SLC2A9: variants seen among roughly 807,000 people sequenced by gnomAD.
SLC2A9 encodes solute carrier family 2 member 9.
SLC2A9 carries 39 observed loss-of-function variants against 50.6 expected under a neutral mutation model. The ratio of observed to expected loss-of-function variants is 0.77; its 90% CI spans 0.60 to 1.01. The LOEUF is 1.01. Among genes scored for constraint, SLC2A9 ranks in the 50% least tolerant of loss-of-function variants. SLC2A9 has a pLI of 0.00. For missense variants in SLC2A9, 686 were observed against 677.6 expected, an observed-to-expected ratio of 1.01 and a Z score of -0.14; for synonymous variants, 324 against 276.9, an observed-to-expected ratio of 1.17 and a Z score of -1.69.
At chr4:9,981,535 A>C (rs2109103153) in intron 4 of SLC2A9, among the ~76,000 whole-genome samples, 1 of 152,352 alleles carries the variant, frequency 6.6e-6, no homozygotes, top group South Asian at 2.1e-4. Flanking sequence ...AGAAAAGTTG[A>C]GTAACTTGCC....
At position 9,847,451 on chromosome 4, in the gene SLC2A9, C is replaced by T. The variant is rs555427692; in HGVS notation, c.1292-12443G>A. The stretch of plus-strand genomic sequence containing the variant: ...TCCCTCCCCTGACACATGGGAATTA[C>T]AATTTGACATGAGATTTGGGTGGGC... On this transcript the variant is annotated intron_variant, in intron 10 of 11. Coordinates refer to ENST00000264784, the MANE Select transcript of SLC2A9 (RefSeq NM_020041.3). 5.9e-5 allele frequency among the ~76,000 whole-genome samples: 9 copies of T among 152,324 alleles called. No individual in the cohort carries two copies. In the East Asian group the frequency reaches 1.7e-3, roughly 29 times the overall value.
intron 2 of SLC2A9, among the ~76,000 whole-genome samples, chr4:10,008,992 G>C (rs542278981): frequency 1.7e-5 from 2 of 114,576 alleles, no homozygotes; most frequent in African/African-American, 5.3e-5. Flanking sequence ...TGAAAAGAGC[G>C]GGGGGTGAGG....
intron 11 of SLC2A9, among the ~76,000 whole-genome samples, chr4:9,833,735 G>A (rs1419056936): frequency 3.9e-5 from 6 of 152,214 alleles, no homozygotes; most frequent in Admixed American, 2.6e-4. Flanking sequence ...ACTTAGAACT[G>A]AGTGTCCAGA....
chr4:9,852,118 G>A (rs1370326619), intron 10 of SLC2A9, among the ~76,000 whole-genome samples: 3 of 151,994 alleles, frequency 2.0e-5, no homozygotes, highest in Non-Finnish European at 2.9e-5. Context: ...CAAAATGAAA[G>A]AAAAAATGTT....
downstream of SLC2A9, among the ~76,000 whole-genome samples, chr4:9,822,269 A>T (rs989861376): frequency 6.6e-6 from 1 of 151,834 alleles, no homozygotes; most frequent in African/African-American, 2.4e-5. Flanking sequence ...CCTGTTTTTG[A>T]TATATTTCCA....
chr4:9,974,345 C>G (rs926323208), intron 5 of SLC2A9, among the ~76,000 whole-genome samples: 10 of 152,108 alleles, frequency 6.6e-5, no homozygotes, highest in African/African-American at 2.4e-4. Flanking sequence ...CAAACTATCT[C>G]TCTTCACTGA....
At chr4:9,777,423 T>C (rs1219159391), downstream of SLC2A9, among the ~76,000 whole-genome samples, 1 of 152,082 alleles carries the variant, frequency 6.6e-6, no homozygotes, top group African/African-American at 2.4e-5. Context: ...TCTATACTCA[T>C]TATAAAAACC....
chr4:9,995,228 G>T (rs16891926), intron 3 of SLC2A9, among the ~76,000 whole-genome samples: 9,537 of 152,158 alleles, frequency 0.063, 618 homozygotes, highest in East Asian at 0.39. Context: ...AAGGACCTCA[G>T]ACAATGGCAT....
At chr4:9,978,549 G>A (rs1755183620) in intron 5 of SLC2A9, among the ~76,000 whole-genome samples, 1 of 152,222 alleles carries the variant, frequency 6.6e-6, no homozygotes, top group Non-Finnish European at 1.5e-5. Flanking sequence ...TTATCAACAT[G>A]TGGTGGTTAT....
intron 1 of SLC2A9, among the ~76,000 whole-genome samples, chr4:9,774,300 G>T (rs1286313548): frequency 5.9e-5 from 9 of 152,202 alleles, no homozygotes; most frequent in Non-Finnish European, 1.3e-4. Context: ...GCCAAAAAAT[G>T]ATGAGAAACT....
chr4:9,785,005 T>G (rs890827587), intron 3 of SLC2A9, among the ~76,000 whole-genome samples: 15 of 152,332 alleles, frequency 9.8e-5, no homozygotes, highest in South Asian at 4.1e-4. Context: ...CAAATCCTAT[T>G]CAGTACATCA....
chr4:9,808,719 TTG>T lies in SLC2A9; in HGVS notation n.421-9480_421-9479del, dbSNP rs754519128. 4.6e-5 allele frequency among the ~76,000 whole-genome samples: 7 copies of T among 152,092 alleles called. No homozygotes were observed. In the East Asian group the frequency reaches 1.2e-3, roughly 25 times the overall value. On this transcript the variant is annotated intron_variant and non_coding_transcript_variant, in intron 3 of 3. Transcript: ENST00000503280. ...TCATAGATGCAGTCTTTGAGAAAGG[TTG>T]TCTCTCCCTTTTGCAACATGATTCC...
intron 5 of SLC2A9, among the ~76,000 whole-genome samples, chr4:9,978,991 G>C (rs1014808489): frequency 6.6e-6 from 1 of 152,224 alleles, no homozygotes; most frequent in Non-Finnish European, 1.5e-5. Flanking sequence ...GAATGAGAAA[G>C]GAGCTGGCCC....
At position 9,920,492 on chromosome 4, in the gene SLC2A9, T is replaced by C. The variant is rs746037520; in HGVS notation, c.895A>G (p.Ile299Val). The part of the protein sequence containing the change: ...VLAESRVQRS[I>V]RLVSVLELLR... ...AGCTCCAGCACGGACACCAGGCGGA[T>C]GCTCCTCTGCACGCGGCTCTCAGCC... is the stretch of plus-strand genomic sequence containing the variant. Residue 299 changes from isoleucine to valine, a missense_variant, in exon 7 of 12, where the codon ATC (isoleucine) becomes GTC (valine). Coordinates refer to ENST00000264784, the MANE Select transcript of SLC2A9 (RefSeq NM_020041.3). 4.3e-6 allele frequency: 7 copies of C among 1,614,072 alleles called. No individual in the cohort carries two copies. The African/African-American group carries it at 6.7e-5, about 15-fold the overall frequency.
intron 7 of SLC2A9, among the ~76,000 whole-genome samples, chr4:9,919,458 C>G (rs184241396): frequency 6.6e-6 from 1 of 152,162 alleles, no homozygotes; most frequent in Non-Finnish European, 1.5e-5. Context: ...AGGAATGACT[C>G]CCCTTCACAT....
chr4:9,791,229 T>G (rs1719877128), intron 3 of SLC2A9, among the ~76,000 whole-genome samples: 1 of 152,230 alleles, frequency 6.6e-6, no homozygotes, highest in Admixed American at 6.5e-5. Context: ...AATAAGCATT[T>G]GTTGAATAAA....
intron 2 of SLC2A9, among the ~76,000 whole-genome samples, chr4:10,008,351 A>C (rs975470446): frequency 6.6e-6 from 1 of 152,232 alleles, no homozygotes; most frequent in Admixed American, 6.5e-5. Context: ...AGGCTGGAAA[A>C]GGTCCCTGGG....
chr4:9,954,630 T>C (rs1195590924), intron 5 of SLC2A9, among the ~76,000 whole-genome samples: 3 of 152,146 alleles, frequency 2.0e-5, no homozygotes, highest in Non-Finnish European at 4.4e-5. Flanking sequence ...CTACAGACTC[T>C]ACAGACCCAA....
chr4:9,984,917 C>T (rs569952234), intron 4 of SLC2A9, among the ~76,000 whole-genome samples: 126 of 152,284 alleles, frequency 8.3e-4, no homozygotes, highest in Non-Finnish European at 1.5e-3. Flanking sequence ...TGTGATCTGG[C>T]CCCAGCTCCT....
Sources: gnomAD v4.1 joint callset for allele counts (sites outside exome capture counted in the v4.1 genomes callset) on GRCh38, gnomAD v4.1.1 for gene constraint, MANE v1.5 for transcripts, NCBI Gene and HGNC (gene_info 2026-07-23, HGNC 2026-07-21) for gene names.